The following ASIC2 variants were observed in gnomAD, a reference collection of about 807,000 sequenced individuals.
ASIC2 encodes acid-sensing ion channel 2.
A neutral mutation model predicts 57.3 loss-of-function variants in ASIC2; 25 were observed. The ratio of observed to expected loss-of-function variants is 0.44; its 90% CI spans 0.32 to 0.61. The LOEUF (loss-of-function observed/expected upper bound fraction) is 0.61. Ranked by LOEUF, ASIC2 falls within the 20% of genes least tolerant of loss-of-function variation. The pLI is 0.06. For missense variants in ASIC2, 641 were observed against 738.1 expected (o/e 0.87, Z 1.52); for synonymous variants, 319 against 307.5 (o/e 1.04, Z -0.39).
chr17:33,074,617 G>T (rs1269236490), intron 3 of ASIC2, among the ~76,000 whole-genome samples: 1 of 152,156 alleles, frequency 6.6e-6, no homozygotes, highest in Admixed American at 6.5e-5. Context: ...ACACCTGAGG[G>T]CAACTGCAGG....
intron 1 of ASIC2, among the ~76,000 whole-genome samples, chr17:33,802,226 G>T (rs562411404): frequency 6.6e-6 from 1 of 152,238 alleles, no homozygotes; most frequent in South Asian, 2.1e-4. Flanking sequence ...TGCTACAGTT[G>T]CCTAGTGTAT....
chr17:34,099,742 GAAAGAA>G (rs1910771109), intron 1 of ASIC2, among the ~76,000 whole-genome samples: 1 of 856 alleles, frequency 1.2e-3, no homozygotes, highest in African/African-American at 2.5e-3. Context: ...AGGAAAGAAA[GAAAGAA>G]AGAAAGAAAG....
rs560637110 is a variant in ASIC2 at position 33,650,990 on chromosome 17, A to C, written c.555+504988T>G. Among the ~76,000 whole-genome samples, 9 of 152,332 alleles carry C rather than the reference A, an allele frequency of 5.9e-5. No individual in the cohort carries two copies. The South Asian group carries it at 1.9e-3, about 32-fold the overall frequency. ...GTTACCATTAGGGTGAACTAGGTAA[A>C]AGGCATACAGGATCTCTCTGCATTA... On this transcript the variant is annotated intron_variant, in intron 1 of 9. Transcript: ENST00000359872.
At position 33,309,347 on chromosome 17, in the gene ASIC2, G is replaced by C. The variant is rs187341091; in HGVS notation, c.556-197280C>G. Among the ~76,000 whole-genome samples, 7 of 152,306 alleles carry C rather than the reference G, an allele frequency of 4.6e-5. No individual in the cohort carries two copies. The East Asian group carries it at 1.2e-3, about 25-fold the overall frequency. ...TTTTAAAGACAAAGATGAGACATCG[G>C]TAGATTCAATATTTCAATCCATTTT... is the stretch of plus-strand genomic sequence containing the variant. On this transcript the variant is annotated intron_variant, in intron 1 of 9. Transcript: ENST00000359872.
intron 3 of ASIC2, among the ~76,000 whole-genome samples, chr17:33,064,404 T>C (rs1343940315): frequency 6.6e-6 from 1 of 152,240 alleles, no homozygotes; most frequent in African/African-American, 2.4e-5. Context: ...TGCAGGTCTG[T>C]TGGAGTTTTC....
chr17:33,787,390 G>GGAAT (rs1911637970), intron 1 of ASIC2, among the ~76,000 whole-genome samples: 1 of 152,186 alleles, frequency 6.6e-6, no homozygotes, highest in South Asian at 2.1e-4. Context: ...GAGGGAAGAT[G>GGAAT]GAATATCTAG....
At chr17:33,280,966 C>T (rs922356292) in intron 1 of ASIC2, among the ~76,000 whole-genome samples, 6 of 152,144 alleles carry the variant, frequency 3.9e-5, no homozygotes, top group Non-Finnish European at 8.8e-5. Flanking sequence ...CAACAACTTT[C>T]AGATCAGATA....
At chr17:34,112,847 A>G (rs1157490285) in intron 1 of ASIC2, among the ~76,000 whole-genome samples, 2 of 152,196 alleles carry the variant, frequency 1.3e-5, no homozygotes, top group East Asian at 3.9e-4. Flanking sequence ...GGACACACTC[A>G]ATAGGATGAG....
intron 1 of ASIC2, among the ~76,000 whole-genome samples, chr17:34,081,329 C>G (rs1221094155): frequency 3.3e-5 from 5 of 152,118 alleles, no homozygotes; most frequent in Non-Finnish European, 7.4e-5. Context: ...ATCTACTTTG[C>G]TAGGCACTAG....
intron 1 of ASIC2, among the ~76,000 whole-genome samples, chr17:33,431,160 C>T (rs568494218): frequency 2.0e-5 from 3 of 152,292 alleles, no homozygotes; most frequent in East Asian, 1.9e-4. Context: ...CCACTCCATT[C>T]GTGGGTCTGT....
At chr17:33,475,519 T>G (rs1913191408) in intron 1 of ASIC2, among the ~76,000 whole-genome samples, 1 of 152,190 alleles carries the variant, frequency 6.6e-6, no homozygotes, top group African/African-American at 2.4e-5. Flanking sequence ...ATGTGAATGT[T>G]TTGTTGTTTT....
chr17:33,078,786 C>T (rs956420995), intron 3 of ASIC2, among the ~76,000 whole-genome samples: 1 of 152,200 alleles, frequency 6.6e-6, no homozygotes, highest in Non-Finnish European at 1.5e-5. Context: ...CTCCTGCTGG[C>T]CTGTAAGCTC....
chr17:33,997,118 G>A (rs2142013005), intron 1 of ASIC2, among the ~76,000 whole-genome samples: 1 of 151,790 alleles, frequency 6.6e-6, no homozygotes, highest in African/African-American at 2.4e-5. Context: ...AAATGGTATT[G>A]TTTCCTAAAT....
rs553730486 is a variant in ASIC2, at chr17:33,897,400, T to C, written c.555+258578A>G. Among the ~76,000 whole-genome samples the C allele has an allele frequency of 4.5e-4, 69 of 152,336 alleles. 1 individual carries two copies. The South Asian group carries it at 0.014, about 31-fold the overall frequency. On this transcript the variant is annotated intron_variant, in intron 1 of 9. Transcript: ENST00000359872. ...TCCCACCCCATTGCACTTTGCACTG[T>C]TCAAGGACAAAGACCATCTCTTAAT...
intron 1 of ASIC2, among the ~76,000 whole-genome samples, chr17:33,592,285 A>G (rs918936939): frequency 3.9e-5 from 6 of 152,242 alleles, no homozygotes; most frequent in Admixed American, 2.6e-4. Flanking sequence ...ATTCTGCCCT[A>G]TTCTGACAAA....
At chr17:33,052,880 C>A (rs897643994) in intron 3 of ASIC2, 4 of 152,070 alleles carry the variant, frequency 2.6e-5, no homozygotes, top group Non-Finnish European at 5.9e-5. Flanking sequence ...CATTGAGATG[C>A]GGTAAAATAG....
At chr17:33,321,415 A>G (rs1440283584) in intron 1 of ASIC2, among the ~76,000 whole-genome samples, 1 of 152,210 alleles carries the variant, frequency 6.6e-6, no homozygotes, top group East Asian at 1.9e-4. Context: ...TTACCCAGGA[A>G]TGCACAGCAT....
rs566550055 is a variant in ASIC2, at chr17:33,677,485, C to T, written c.555+478493G>A. 2.9e-4 allele frequency among the ~76,000 whole-genome samples: 44 copies of T among 152,194 alleles called. No individual in the cohort carries two copies. The South Asian group carries it at 8.1e-3, about 28-fold the overall frequency. ...TAGATAGTAATTCCCCTGATGAATCCGGGCAAAGTGAATTCAGAACCTTCT... is the reference window on the plus strand; with the variant it reads ...TAGATAGTAATTCCCCTGATGAATCTGGGCAAAGTGAATTCAGAACCTTCT... On this transcript the variant is annotated intron_variant, in intron 1 of 9. Coordinates refer to the ASIC2 transcript ENST00000359872.
chr17:34,064,546 G>C (rs776273492), intron 1 of ASIC2, among the ~76,000 whole-genome samples: 2 of 151,918 alleles, frequency 1.3e-5, no homozygotes, highest in Non-Finnish European at 2.9e-5. Flanking sequence ...AAACTAAAGA[G>C]CTTTTTTTTT....
Sources: gnomAD v4.1 joint callset for allele counts (sites outside exome capture counted in the v4.1 genomes callset) on GRCh38, gnomAD v4.1.1 for gene constraint, MANE v1.5 for transcripts, NCBI Gene and HGNC (gene_info 2026-07-23, HGNC 2026-07-21) for gene names.